MARCHF1: variants seen among roughly 807,000 people sequenced by gnomAD.
MARCHF1 encodes E3 ubiquitin-protein ligase MARCHF1.
A neutral mutation model predicts 54.2 loss-of-function variants in MARCHF1; 40 were observed. The observed-to-expected ratio is 0.74, with a 90% CI of 0.57 to 0.96. The LOEUF (loss-of-function observed/expected upper bound fraction) is 0.96. Ranked by LOEUF, MARCHF1 falls within the 40% of genes least tolerant of loss-of-function variation. The pLI is 0.00. For synonymous variants in MARCHF1, 236 were observed against 236.3 expected (o/e 1.00, Z 0.01); for missense variants, 586 against 656.5 (o/e 0.89, Z 1.17).
chr4:163,856,222 C>T (rs920302509), intron 3 of MARCHF1, among the ~76,000 whole-genome samples: 1 of 152,174 alleles, frequency 6.6e-6, no homozygotes, highest in Non-Finnish European at 1.5e-5. Flanking sequence ...AAAATGCCAA[C>T]TGCATTCTAG....
intron 5 of MARCHF1, among the ~76,000 whole-genome samples, chr4:163,645,571 T>G (rs1196181563): frequency 2.0e-5 from 3 of 152,108 alleles, no homozygotes; most frequent in African/African-American, 7.2e-5. Flanking sequence ...AAAATAATCA[T>G]CTTAATGAAG....
At chr4:163,931,701 TG>T (rs1751680609) in intron 3 of MARCHF1, among the ~76,000 whole-genome samples, 1 of 152,074 alleles carries the variant, frequency 6.6e-6, no homozygotes, top group Non-Finnish European at 1.5e-5. Context: ...TTTCCTAATG[TG>T]GGGGTGGGGT....
chr4:164,256,173 A>C (rs562976240), intron 1 of MARCHF1, among the ~76,000 whole-genome samples: 23 of 152,062 alleles, frequency 1.5e-4, no homozygotes, highest in Non-Finnish European at 2.8e-4. Flanking sequence ...GTATCATAAA[A>C]GTCACTAATC....
chr4:164,199,681 C>CACACACACAGAGAGAGAGAG (rs1462208986), intron 1 of MARCHF1, among the ~76,000 whole-genome samples: 6 of 47,656 alleles, frequency 1.3e-4, no homozygotes, highest in African/African-American at 4.2e-4. Context: ...CACACACACA[C>CACACACACAGAGAGAGAGAG]AGAGAGAGAG....
chr4:163,678,252 G>T (rs143967390), intron 5 of MARCHF1, among the ~76,000 whole-genome samples: 60 of 152,288 alleles, frequency 3.9e-4, no homozygotes, highest in African/African-American at 7.7e-4. Context: ...GGCCTGCCAG[G>T]TTAAAGCAAT....
chr4:164,015,069 C>T (rs1753506955), intron 2 of MARCHF1, among the ~76,000 whole-genome samples: 1 of 152,060 alleles, frequency 6.6e-6, no homozygotes, highest in African/African-American at 2.4e-5. Flanking sequence ...TACTACAAAG[C>T]TGTAGTAAAC....
At chr4:164,054,555 G>C (rs1236663576) in intron 2 of MARCHF1, among the ~76,000 whole-genome samples, 2 of 152,084 alleles carry the variant, frequency 1.3e-5, no homozygotes, top group Non-Finnish European at 2.9e-5. Flanking sequence ...ACTGGATTAA[G>C]AAAATGTGGC....
chr4:163,892,701 G>T (rs1004439817), intron 3 of MARCHF1, among the ~76,000 whole-genome samples: 2 of 152,044 alleles, frequency 1.3e-5, no homozygotes, highest in East Asian at 3.9e-4. Context: ...ATTTATGTTT[G>T]CCATAAGGGA....
chr4:164,306,688 C>G (rs759124955), intron 1 of MARCHF1, among the ~76,000 whole-genome samples: 1 of 152,058 alleles, frequency 6.6e-6, no homozygotes, highest in Non-Finnish European at 1.5e-5. Flanking sequence ...AATGAGGGTC[C>G]TAATGTGATT....
chr4:163,936,595 G>C (rs1181642557), intron 3 of MARCHF1, among the ~76,000 whole-genome samples: 1 of 152,172 alleles, frequency 6.6e-6, no homozygotes, highest in African/African-American at 2.4e-5. Flanking sequence ...GTGGAGATTA[G>C]ACATTGTGAC....
At chr4:164,222,989 C>G (rs1210567875) in intron 1 of MARCHF1, among the ~76,000 whole-genome samples, 1 of 152,132 alleles carries the variant, frequency 6.6e-6, no homozygotes, top group East Asian at 1.9e-4. Flanking sequence ...AAAGGGACTT[C>G]TTAAACGGCA....
intron 1 of MARCHF1, among the ~76,000 whole-genome samples, chr4:164,309,478 T>C (rs1734789988): frequency 6.6e-6 from 1 of 151,966 alleles, no homozygotes; most frequent in Non-Finnish European, 1.5e-5. Flanking sequence ...CTAGATCTAG[T>C]ACAACTAGCA....
chr4:163,853,346 G>A (rs1483415796), intron 4 of MARCHF1, among the ~76,000 whole-genome samples: 11 of 152,100 alleles, frequency 7.2e-5, no homozygotes, highest in Non-Finnish European at 4.4e-5. Context: ...GAAACCGAAT[G>A]GAATTTTCCT....
At chr4:163,648,944 C>G (rs1222383159) in intron 5 of MARCHF1, among the ~76,000 whole-genome samples, 2 of 151,508 alleles carry the variant, frequency 1.3e-5, no homozygotes, top group African/African-American at 2.4e-5. Context: ...CTTACAGGAG[C>G]AAGGAGTTCA....
chr4:164,025,732 G>A (rs944932787), intron 2 of MARCHF1, among the ~76,000 whole-genome samples: 2 of 150,770 alleles, frequency 1.3e-5, no homozygotes, highest in South Asian at 2.1e-4. Flanking sequence ...TAAAATTAGA[G>A]AGGAACTGAA....
intron 1 of MARCHF1, among the ~76,000 whole-genome samples, chr4:164,241,751 C>A: frequency 6.6e-6 from 1 of 152,130 alleles, no homozygotes; most frequent in Non-Finnish European, 1.5e-5. Context: ...AGACAGTGGG[C>A]ACAGGTCAGT....
chr4:163,544,321 A>G lies in MARCHF1; in HGVS notation c.1339+1275T>C, dbSNP rs1056766725. Among the ~76,000 whole-genome samples, 4 of 152,256 alleles carry G rather than the reference A, an allele frequency of 2.6e-5. No homozygotes were observed. The East Asian group carries it at 5.8e-4, about 22-fold the overall frequency. The stretch of plus-strand genomic sequence containing the variant: ...ATTAATGGTATGTAAATGAGTTAAT[A>G]TGGAATAAATAAACACATAAAAACA... On this transcript the variant is annotated intron_variant, in intron 9 of 9. Transcript: ENST00000514618.
intron 1 of MARCHF1, among the ~76,000 whole-genome samples, chr4:164,307,266 T>C (rs1734720564): frequency 1.3e-5 from 2 of 152,216 alleles, no homozygotes; most frequent in African/African-American, 4.8e-5. Flanking sequence ...CCTCAGTATT[T>C]ACCTACAAAG....
intron 3 of MARCHF1, among the ~76,000 whole-genome samples, chr4:163,969,303 G>A (rs1367744192): frequency 3.9e-5 from 6 of 152,142 alleles, no homozygotes; most frequent in Admixed American, 2.6e-4. Flanking sequence ...AAGCAGCACC[G>A]TGAAATTCTG....
Sources: gnomAD v4.1 joint callset for allele counts (sites outside exome capture counted in the v4.1 genomes callset) on GRCh38, gnomAD v4.1.1 for gene constraint, MANE v1.5 for transcripts, NCBI Gene and HGNC (gene_info 2026-07-23, HGNC 2026-07-21) for gene names.